The following PCCA variants were observed in gnomAD, a reference collection of about 807,000 sequenced individuals.
PCCA encodes the protein propionyl-CoA carboxylase subunit alpha, also known as propionyl-CoA carboxylase alpha chain, mitochondrial.
A neutral mutation model predicts 101.3 loss-of-function variants in PCCA; 74 were observed. That is an observed-to-expected ratio of 0.73 (90% confidence interval 0.61 to 0.89). The LOEUF (loss-of-function observed/expected upper bound fraction) is 0.89, where lower values mean the gene tolerates loss of function less well. Ranked by LOEUF, PCCA falls within the 40% of genes least tolerant of loss-of-function variation. The pLI is 0.00. For synonymous variants in PCCA, 294 were observed against 313.6 expected, an observed-to-expected ratio of 0.94 and a Z score of 0.66; for missense variants, 891 against 907.0, an observed-to-expected ratio of 0.98 and a Z score of 0.23.
chr13:100,196,455 C>A (rs182990930), intron 6 of PCCA, among the ~76,000 whole-genome samples: 9 of 152,240 alleles, frequency 5.9e-5, no homozygotes, highest in Non-Finnish European at 2.9e-5. Flanking sequence ...CTTCTGCCGA[C>A]AGTTACAGTG....
At chr13:100,390,360 A>G (rs564028807) in intron 19 of PCCA, among the ~76,000 whole-genome samples, 1 of 152,340 alleles carries the variant, frequency 6.6e-6, no homozygotes, top group African/African-American at 2.4e-5. Flanking sequence ...TTTTGAAGGG[A>G]TCTGTGAGAT....
intron 18 of PCCA, among the ~76,000 whole-genome samples, chr13:100,351,665 T>C (rs996640698): frequency 1.3e-5 from 2 of 152,208 alleles, no homozygotes; most frequent in South Asian, 2.1e-4. Context: ...GGGCATTGTG[T>C]GCTTTAATAT....
chr13:100,525,828 T>G (rs1224821708), intron 22 of PCCA, among the ~76,000 whole-genome samples: 4 of 152,092 alleles, frequency 2.6e-5, no homozygotes, highest in Admixed American at 2.6e-4. Flanking sequence ...GGGTGGGTGT[T>G]TGGGAGGCCG....
intron 6 of PCCA, among the ~76,000 whole-genome samples, chr13:100,194,715 G>A (rs1334325193): frequency 6.6e-6 from 1 of 152,088 alleles, no homozygotes; most frequent in Non-Finnish European, 1.5e-5. Flanking sequence ...CACTGCGCCC[G>A]GCCGTAAAAT....
chr13:100,281,980 T>A (rs2064159042), intron 12 of PCCA, among the ~76,000 whole-genome samples: 1 of 152,258 alleles, frequency 6.6e-6, no homozygotes, highest in Non-Finnish European at 1.5e-5. Context: ...TTGTTTCTTC[T>A]CTCCCTGGCC....
At chr13:100,325,642 A>G (rs2068587971) in intron 16 of PCCA, among the ~76,000 whole-genome samples, 2 of 152,198 alleles carry the variant, frequency 1.3e-5, no homozygotes, top group South Asian at 4.1e-4. Context: ...GTTCTGTGCA[A>G]ATGCAATCAG....
chr13:100,156,510 T>G (rs115664314), intron 5 of PCCA, among the ~76,000 whole-genome samples: 1,930 of 152,350 alleles, frequency 0.013, 36 homozygotes, highest in African/African-American at 0.043. Context: ...TGGCGAAATT[T>G]ATGTTTGGCC....
chr13:100,100,964 C>T (rs369382602), intron 1 of PCCA, among the ~76,000 whole-genome samples: 3 of 152,018 alleles, frequency 2.0e-5, no homozygotes, highest in East Asian at 3.9e-4. Flanking sequence ...CCACCATGCC[C>T]AGCTAATTTT....
At chr13:100,269,954 G>T (rs962570472) in intron 11 of PCCA, among the ~76,000 whole-genome samples, 5 of 152,138 alleles carry the variant, frequency 3.3e-5, no homozygotes, top group East Asian at 1.9e-4. Flanking sequence ...CTCTGTGAAG[G>T]CTTGACCCGT....
At chr13:100,219,590 C>T (rs2059699986) in intron 7 of PCCA, among the ~76,000 whole-genome samples, 1 of 152,070 alleles carries the variant, frequency 6.6e-6, no homozygotes, top group South Asian at 2.1e-4. Context: ...TTTGTTGATT[C>T]CGAGGGAGAG....
intron 21 of PCCA, among the ~76,000 whole-genome samples, chr13:100,514,562 C>A (rs866096373): frequency 1.3e-5 from 2 of 152,140 alleles, no homozygotes; most frequent in Non-Finnish European, 2.9e-5. Flanking sequence ...ACCATTTTAT[C>A]TTTTTTCTGT....
chr13:100,168,779 C>A (rs2152410241), intron 6 of PCCA, among the ~76,000 whole-genome samples: 1 of 152,276 alleles, frequency 6.6e-6, no homozygotes, highest in African/African-American at 2.4e-5. Context: ...AGGATTCATT[C>A]TCTTCCTTAC....
rs770949178 is a variant in PCCA, at chr13:100,209,435, C to A, written c.572C>A (p.Thr191Lys). 6.2e-7 allele frequency: 1 copy of A among 1,613,100 alleles called. No individual in the cohort carries two copies. Among genetic ancestry groups the A allele is most frequent in the South Asian group, 1.1e-5 (1 of 91,060 alleles). The change falls in exon 7 of 24, where the codon ACA becomes AAA. Residue 191 changes from threonine (T) to lysine (K), a missense_variant. Thr to Lys is a moderately conservative substitution (Grantham distance 78, BLOSUM62 -1). Coordinates refer to ENST00000376285, the MANE Select transcript of PCCA (RefSeq NM_000282.4). ...KLLAKKAEVNTIPGFDGVVKD... is the reference protein window; with the variant it reads ...KLLAKKAEVNKIPGFDGVVKD... ...TTAGCTAAGAAAGCAGAGGTTAATA[C>A]AATCCCTGGCTTTGATGGAGTAGTC... is the stretch of plus-strand genomic sequence containing the variant.
intron 17 of PCCA, among the ~76,000 whole-genome samples, chr13:100,339,613 T>G (rs1391325326): frequency 6.6e-6 from 1 of 151,922 alleles, no homozygotes; most frequent in Non-Finnish European, 1.5e-5. Context: ...ATACTGTGAG[T>G]GAGAGGAGGA....
At chr13:100,360,594 TC>T (rs1258576679) in intron 18 of PCCA, among the ~76,000 whole-genome samples, 3 of 152,174 alleles carry the variant, frequency 2.0e-5, no homozygotes, top group Non-Finnish European at 4.4e-5. Context: ...ATTAAAAACT[TC>T]CATTAAAACT....
At chr13:100,478,104 G>A (rs945500899) in intron 21 of PCCA, among the ~76,000 whole-genome samples, 1 of 152,168 alleles carries the variant, frequency 6.6e-6, no homozygotes, top group Non-Finnish European at 1.5e-5. Context: ...TCAGAAGCCC[G>A]CAATTCATTG....
At chr13:100,281,334 A>G (rs1257218922) in intron 12 of PCCA, among the ~76,000 whole-genome samples, 1 of 152,218 alleles carries the variant, frequency 6.6e-6, no homozygotes, top group Non-Finnish European at 1.5e-5. Context: ...TCAAACTTCA[A>G]AAGTTATGGC....
intron 6 of PCCA, among the ~76,000 whole-genome samples, chr13:100,199,225 C>G (rs1179503832): frequency 6.6e-6 from 1 of 152,152 alleles, no homozygotes; most frequent in Non-Finnish European, 1.5e-5. Context: ...TGTGACCCAT[C>G]TCAGTGCTAA....
intron 19 of PCCA, among the ~76,000 whole-genome samples, chr13:100,381,685 G>A (rs1410430291): frequency 6.6e-6 from 1 of 152,176 alleles, no homozygotes; most frequent in African/African-American, 2.4e-5. Context: ...TTTGCCACGG[G>A]GTGCCTCCTT....
Sources: allele counts gnomAD v4.1 joint callset (sites outside exome capture counted in the v4.1 genomes callset), GRCh38; gene constraint gnomAD v4.1.1; transcripts MANE v1.5; gene names NCBI Gene and HGNC (gene_info 2026-07-23, HGNC 2026-07-21).